Variants in CENPP observed in about 807,000 individuals in gnomAD.
CENPP encodes centromere protein P.
In CENPP, 24 loss-of-function variants were observed where a neutral mutation model predicts 35.6. The ratio of observed to expected loss-of-function variants is 0.67; its 90% CI spans 0.49 to 0.95. The LOEUF is 0.95. Among genes scored for constraint, CENPP ranks in the 40% least tolerant of loss-of-function variants. CENPP has a pLI of 0.00. For synonymous variants in CENPP, 120 were observed against 125.5 expected, an observed-to-expected ratio of 0.96 and a Z score of 0.29; for missense variants, 332 against 345.3, an observed-to-expected ratio of 0.96 and a Z score of 0.31.
chr9:92,612,445 C>T, intron 6 of CENPP, 78 bp from the exon 7 acceptor site: 1 of 1,107,422 alleles, frequency 9.0e-7, no homozygotes, highest in Non-Finnish European at 1.4e-6. Flanking sequence ...GAAATGGAGA[C>T]CAGGTGCGAC....
chr9:92,336,902 A>G (rs1208296549), intron 2 of CENPP, among the ~76,000 whole-genome samples: 1 of 152,228 alleles, frequency 6.6e-6, no homozygotes, highest in Non-Finnish European at 1.5e-5. Context: ...CATGGATTCA[A>G]TTTACTGCCT....
chr9:92,326,026 G>T lies in CENPP; in HGVS notation c.28G>T (p.Ala10Ser). MDAELAEVR[A>S]LQAEIAALRR... ...GGACGCAGAGCTGGCAGAGGTGCGCGCCTTGCAAGCTGAGATCGCGGCCCT... is the reference window on the plus strand; with the variant it reads ...GGACGCAGAGCTGGCAGAGGTGCGCTCCTTGCAAGCTGAGATCGCGGCCCT... The change falls in exon 1 of 8, where the codon GCC becomes TCC. Residue 10 changes from alanine (A) to serine (S), a missense_variant. By Grantham distance (99) the Ala-to-Ser change is moderately conservative. Transcript: ENST00000375587. 1 of 1,556,672 alleles carries T rather than the reference G, an allele frequency of 6.4e-7. No homozygotes were observed. Among genetic ancestry groups the T allele is most frequent in the South Asian group, 1.2e-5 (1 of 84,384 alleles).
chr9:92,491,685 G>A (rs1231419839), intron 5 of CENPP, among the ~76,000 whole-genome samples: 1 of 152,028 alleles, frequency 6.6e-6, no homozygotes, highest in African/African-American at 2.4e-5. Context: ...TTTCTTCTTT[G>A]GTCCCTTTTC....
rs1372659079 is a variant in CENPP at position 92,416,186 on chromosome 9, G to A, written c.564+36327G>A. Among the ~76,000 whole-genome samples, 7 of 150,426 alleles carry A rather than the reference G, an allele frequency of 4.7e-5. No individual in the cohort carries two copies. In the South Asian group the frequency reaches 8.4e-4, roughly 18 times the overall value. On this transcript the variant is annotated intron_variant, in intron 5 of 7. Coordinates refer to ENST00000375587, the MANE Select transcript of CENPP (RefSeq NM_001012267.3). ...ATGATCTCAGCTCACTGCAACCTCC[G>A]ATTCCTGGGTTCAAGCAACTCTCAT... is the stretch of plus-strand genomic sequence containing the variant.
intron 5 of CENPP, among the ~76,000 whole-genome samples, chr9:92,606,079 G>A (rs977027184): frequency 2.6e-5 from 4 of 152,028 alleles, no homozygotes; most frequent in African/African-American, 9.7e-5. Context: ...TGGGCAACAT[G>A]GCAAAACCCT....
intron 3 of CENPP, among the ~76,000 whole-genome samples, chr9:92,338,993 A>C (rs1434609642): frequency 2.6e-5 from 4 of 152,194 alleles, no homozygotes; most frequent in African/African-American, 9.7e-5. Context: ...CCACCTTCAA[A>C]GGCTGACTCC....
chr9:92,423,394 TGAG>T (rs1409182649), intron 5 of CENPP, among the ~76,000 whole-genome samples: 2 of 152,136 alleles, frequency 1.3e-5, no homozygotes, highest in Non-Finnish European at 2.9e-5. Flanking sequence ...AAATTACTAA[TGAG>T]GTATAATTTA....
At position 92,379,817 on chromosome 9, in the gene CENPP, G is replaced by A. The variant is rs1184970515; in HGVS notation, c.522G>A (p.Val174=). The A allele has an allele frequency of 6.8e-6, 11 of 1,613,516 alleles. No individual in the cohort carries two copies. The highest frequency in any genetic ancestry group is 7.6e-6 in the Non-Finnish European group (9 of 1,179,522). The change falls in exon 5 of 8, where the codon GTG becomes GTA. Residue 174 remains valine (V), a synonymous_variant. Transcript: ENST00000375587. ...FMFFRSLHFF[V]EWFEYRKRTF... ...TTTTCCGAAGCCTGCATTTTTTTGT[G>A]GAGTGGTTTGAATATCGTAAGCGCA...
intron 5 of CENPP, among the ~76,000 whole-genome samples, chr9:92,566,258 C>T (rs907584849): frequency 6.6e-6 from 1 of 151,390 alleles, no homozygotes; most frequent in African/African-American, 2.4e-5. Flanking sequence ...AAAGATTGCG[C>T]CATTGCACTC....
At chr9:92,466,672 CAG>C in intron 5 of CENPP, 1 of 1,059,068 alleles carries the variant, frequency 9.4e-7, no homozygotes, top group East Asian at 2.4e-5. Flanking sequence ...CAATTTATAT[CAG>C]TGGTGTACTA....
rs970192814 is a variant in CENPP, at chr9:92,386,446, G to A, written c.564+6587G>A. 5.2e-6 allele frequency: 3 copies of A among 578,610 alleles called. No homozygotes were observed. The Admixed American group carries it at 9.2e-5, about 18-fold the overall frequency. The allele number at this position is 578,610 out of a possible 1,614,324, so 35.8% of individuals were successfully genotyped here. ...ATCAATTATATCAATTGTTCGTATG[G>A]TAGTTTCTTGTTTGGGTTTTTTTTC... On this transcript the variant is annotated intron_variant, in intron 5 of 7. Transcript: ENST00000375587.
chr9:92,353,341 A>AG (rs1491268771), intron 4 of CENPP, among the ~76,000 whole-genome samples: 2 of 152,070 alleles, frequency 1.3e-5, no homozygotes, highest in African/African-American at 4.8e-5. Flanking sequence ...CAAGCACCTC[A>AG]GGGGGTCGTG....
intron 3 of CENPP, among the ~76,000 whole-genome samples, chr9:92,339,447 G>C (rs10820967): frequency 0.39 from 59,745 of 151,982 alleles, 13,931 homozygotes; most frequent in African/African-American, 0.65. Flanking sequence ...TGCTATTACT[G>C]GCTCTGGCAG....
At chr9:92,395,686 CTT>C (rs985388409) in intron 5 of CENPP, among the ~76,000 whole-genome samples, 1 of 152,112 alleles carries the variant, frequency 6.6e-6, no homozygotes, top group African/African-American at 2.4e-5. Flanking sequence ...TATGGTCAGT[CTT>C]TTTAATTTTA....
rs1437386705 is a variant in CENPP, at chr9:92,404,710, A to G, written c.564+24851A>G. The G allele has an allele frequency of 4.2e-6, 5 of 1,179,370 alleles. No homozygotes were observed. In the South Asian group the frequency reaches 5.0e-5, roughly 12 times the overall value. The allele number at this position is 1,179,370 out of a possible 1,614,324, so 73.1% of individuals were successfully genotyped here. ...AGGGTGAAATGCAGTGTGTTGTACT[A>G]GAGAACTGTGCTTAAGTTATTTGTT... On this transcript the variant is annotated intron_variant, in intron 5 of 7. Transcript: ENST00000375587.
Position 92,337,552 on chromosome 9 carries a change from G to A in CENPP, c.301G>A (p.Val101Ile), listed in dbSNP as rs149579232. The A allele has an allele frequency of 2.5e-6, 4 of 1,596,810 alleles. No individual in the cohort carries two copies. The African/African-American group carries it at 4.0e-5, about 16-fold the overall frequency. Residue 101 changes from valine (V) to isoleucine (I), a missense_variant, in exon 3 of 8, where the codon GTT (valine) becomes ATT (isoleucine). By Grantham distance (29) the Val-to-Ile change is conservative (BLOSUM62 3). Coordinates refer to ENST00000375587, the MANE Select transcript of CENPP (RefSeq NM_001012267.3). Reference protein sequence around the residue: ...TEMTEKSIRKVLQRHRLSGNC... With the variant: ...TEMTEKSIRKILQRHRLSGNC... Reference sequence around the variant, plus strand: ...TTTCTGCTTTACAGGTATTAGAAAAGTTCTACAGAGACACAGATTATCAGG... The same window carrying A: ...TTTCTGCTTTACAGGTATTAGAAAAATTCTACAGAGACACAGATTATCAGG...
chr9:92,376,083 G>A (rs185638922), intron 4 of CENPP, among the ~76,000 whole-genome samples: 1 of 152,144 alleles, frequency 6.6e-6, no homozygotes, highest in Admixed American at 6.5e-5. Flanking sequence ...CCTGTCCTTA[G>A]CCTAGAGATT....
At chr9:92,434,895 T>C (rs1056216451) in intron 5 of CENPP, among the ~76,000 whole-genome samples, 2 of 151,890 alleles carry the variant, frequency 1.3e-5, no homozygotes, top group East Asian at 3.9e-4. Flanking sequence ...CTATTAAAAA[T>C]ACAAAATTTA....
intron 5 of CENPP, chr9:92,517,587 G>A: frequency 6.6e-7 from 1 of 1,512,714 alleles, no homozygotes; most frequent in East Asian, 2.3e-5. Flanking sequence ...ACTCAGATCT[G>A]ACTAATGTAT....
Sources: allele counts gnomAD v4.1 joint callset (sites outside exome capture counted in the v4.1 genomes callset), GRCh38; gene constraint gnomAD v4.1.1; transcripts MANE v1.5; gene names NCBI Gene and HGNC (gene_info 2026-07-23, HGNC 2026-07-21).